PRKG1: variants seen among roughly 807,000 people sequenced by gnomAD.
PRKG1 encodes the protein cGMP-dependent protein kinase 1.
PRKG1 carries 35 observed loss-of-function variants against 88.1 expected under a neutral mutation model. That is an observed-to-expected ratio of 0.40 (90% CI 0.30 to 0.53). The LOEUF is 0.53. Among genes scored for constraint, PRKG1 ranks in the 20% least tolerant of loss-of-function variants. The pLI is 0.59. For synonymous variants in PRKG1, 303 were observed against 292.5 expected, an observed-to-expected ratio of 1.04 and a Z score of -0.37; for missense variants, 540 against 839.8, an observed-to-expected ratio of 0.64 and a Z score of 4.41.
At chr10:51,066,035 A>G (rs1589130179) in intron 1 of PRKG1, among the ~76,000 whole-genome samples, 1 of 152,202 alleles carries the variant, frequency 6.6e-6, no homozygotes, top group East Asian at 1.9e-4. Context: ...GGGAAGTGAT[A>G]GGGCTAGGAT....
intron 5 of PRKG1, among the ~76,000 whole-genome samples, chr10:51,977,712 A>G (rs566745916): frequency 1.3e-5 from 2 of 152,070 alleles, no homozygotes; most frequent in East Asian, 1.9e-4. Context: ...GAATTTCTCT[A>G]GTGATCAGTG....
intron 2 of PRKG1, among the ~76,000 whole-genome samples, chr10:51,339,500 T>C (rs574283904): frequency 2.0e-5 from 3 of 151,996 alleles, no homozygotes; most frequent in African/African-American, 7.2e-5. Context: ...TTAATTTTCA[T>C]TATACATATA....
intron 17 of PRKG1, 88 bp from the exon 18 acceptor site, chr10:52,293,714 G>T (rs1409686313): frequency 8.9e-6 from 9 of 1,013,078 alleles, no homozygotes; most frequent in Non-Finnish European, 1.4e-5. Flanking sequence ...GTCACTAATA[G>T]GGAATAAATA....
At chr10:51,604,836 C>T (rs1037862345) in intron 3 of PRKG1, among the ~76,000 whole-genome samples, 3 of 152,230 alleles carry the variant, frequency 2.0e-5, no homozygotes, top group Non-Finnish European at 4.4e-5. Context: ...TTACAGTGCG[C>T]TCTTTCAGCT....
intron 1 of PRKG1, among the ~76,000 whole-genome samples, chr10:51,083,388 T>C (rs1049762804): frequency 6.6e-6 from 1 of 152,336 alleles, no homozygotes; most frequent in East Asian, 1.9e-4. Context: ...AGATAGTTTC[T>C]TTGGGTCCCA....
intron 7 of PRKG1, among the ~76,000 whole-genome samples, chr10:52,121,332 T>C (rs574822940): frequency 6.6e-6 from 1 of 152,172 alleles, no homozygotes; most frequent in Non-Finnish European, 1.5e-5. Flanking sequence ...CTTCCTTCCA[T>C]CCATATTACT....
chr10:51,784,180 C>T lies in PRKG1; in HGVS notation c.593-20405C>T, dbSNP rs113643891. Among the ~76,000 whole-genome samples, 157 of 152,168 alleles carry T rather than the reference C, an allele frequency of 1.0e-3. 5 individuals carry two copies. The highest frequency in any genetic ancestry group is 6.8e-3 in the Middle Eastern group (2 of 294). ...ATCTCCACAGCAATCATTTCCTCAG[C>T]GGCCCTGCAGAGTCTCTTAGTTGTG... On this transcript the variant is annotated intron_variant, in intron 3 of 17. Coordinates refer to ENST00000373980, the MANE Select transcript of PRKG1 (RefSeq NM_006258.4).
At chr10:52,041,818 A>C (rs956545576) in intron 5 of PRKG1, among the ~76,000 whole-genome samples, 1 of 152,172 alleles carries the variant, frequency 6.6e-6, no homozygotes, top group Non-Finnish European at 1.5e-5. Flanking sequence ...AGAGTCCTTC[A>C]GAAATTCTTA....
chr10:51,486,310 A>G lies in PRKG1; in HGVS notation c.592+18474A>G, dbSNP rs893384738. ...ACTTCTGTGAGTTTGACAATTTTAG[A>G]TTCATCATATAAGTTGTATCTTGTA... On this transcript the variant is annotated intron_variant, in intron 3 of 17. Transcript: ENST00000373980. 2.6e-5 allele frequency among the ~76,000 whole-genome samples: 4 copies of G among 151,908 alleles called. No homozygotes were observed. In the South Asian group the frequency reaches 8.3e-4, roughly 32 times the overall value.
chr10:51,283,401 A>G (rs1840352290), intron 2 of PRKG1, among the ~76,000 whole-genome samples: 1 of 152,192 alleles, frequency 6.6e-6, no homozygotes, highest in African/African-American at 2.4e-5. Flanking sequence ...CTAGTTATCT[A>G]GAATAGATAA....
chr10:51,229,949 G>GAAAAAAAA (rs1256160300), intron 2 of PRKG1, among the ~76,000 whole-genome samples: 1 of 126,982 alleles, frequency 7.9e-6, no homozygotes. Context: ...AAAAAAAAAA[G>GAAAAAAAA]AAAAAGAAAA....
chr10:51,652,604 A>C lies in PRKG1; in HGVS notation c.593-151981A>C, dbSNP rs903542211. 8.5e-5 allele frequency among the ~76,000 whole-genome samples: 13 copies of C among 152,244 alleles called. No homozygotes were observed. The South Asian group carries it at 2.7e-3, about 32-fold the overall frequency. ...GTCATTTGGCCTTTTTAATTTTTAA[A>C]TTATTTTATTTTTAATTGACAAATA... On this transcript the variant is annotated intron_variant, in intron 3 of 17. Coordinates refer to ENST00000373980, the MANE Select transcript of PRKG1 (RefSeq NM_006258.4).
chr10:51,604,997 T>C (rs1182023382), intron 3 of PRKG1, among the ~76,000 whole-genome samples: 1 of 152,108 alleles, frequency 6.6e-6, no homozygotes, highest in East Asian at 1.9e-4. Flanking sequence ...CAAGGTTTGA[T>C]TGAGTAGTGG....
At chr10:51,615,507 G>C (rs903871778) in intron 3 of PRKG1, among the ~76,000 whole-genome samples, 1 of 151,752 alleles carries the variant, frequency 6.6e-6, no homozygotes, top group African/African-American at 2.4e-5. Flanking sequence ...TGAATGCTTT[G>C]CTCATTCTTT....
chr10:51,479,396 G>A (rs10823073), intron 3 of PRKG1, among the ~76,000 whole-genome samples: 64,112 of 151,642 alleles, frequency 0.42, 15,381 homozygotes, highest in East Asian at 0.9. Context: ...ATACCACTTC[G>A]CTTTTTAATT....
chr10:51,844,158 AT>A (rs1691173713), intron 4 of PRKG1, among the ~76,000 whole-genome samples: 1 of 152,070 alleles, frequency 6.6e-6, no homozygotes, highest in Admixed American at 6.6e-5. Flanking sequence ...AGAATGACAT[AT>A]TTTCAAGATT....
At chr10:51,302,315 G>A (rs1368926809) in intron 2 of PRKG1, among the ~76,000 whole-genome samples, 1 of 152,094 alleles carries the variant, frequency 6.6e-6, no homozygotes, top group East Asian at 1.9e-4. Flanking sequence ...TGATAATGTA[G>A]AAACAGAATT....
intron 9 of PRKG1, among the ~76,000 whole-genome samples, chr10:52,174,315 C>G (rs1838795997): frequency 6.6e-6 from 1 of 151,834 alleles, no homozygotes; most frequent in Admixed American, 6.5e-5. Context: ...GAAGTAACAA[C>G]TTTATAGCAG....
At chr10:51,920,830 C>A (rs947199248) in intron 5 of PRKG1, among the ~76,000 whole-genome samples, 4 of 151,930 alleles carry the variant, frequency 2.6e-5, no homozygotes, top group Non-Finnish European at 5.9e-5. Context: ...ATTTTTAGAG[C>A]AGTTTTAGGT....
Sources: gnomAD v4.1 joint callset for allele counts (sites outside exome capture counted in the v4.1 genomes callset) on GRCh38, gnomAD v4.1.1 for gene constraint, MANE v1.5 for transcripts, NCBI Gene and HGNC (gene_info 2026-07-23, HGNC 2026-07-21) for gene names.